Variants in CEP41 observed in about 807,000 individuals in gnomAD.
CEP41 encodes the protein centrosomal protein of 41 kDa.
CEP41 carries 32 observed loss-of-function variants against 44.3 expected under a neutral mutation model. The observed-to-expected ratio is 0.72, with a 90% CI of 0.54 to 0.97. The LOEUF (loss-of-function observed/expected upper bound fraction) is 0.97, where lower values mean the gene tolerates loss of function less well. Among genes scored for constraint, CEP41 ranks in the 50% least tolerant of loss-of-function variants. The pLI is 0.00. For missense variants in CEP41, 432 were observed against 455.2 expected (o/e 0.95, Z 0.46); for synonymous variants, 151 against 168.5 (o/e 0.90, Z 0.80).
intron 2 of CEP41, chr7:130,422,005 C>G: frequency 1.3e-6 from 2 of 1,535,878 alleles, no homozygotes; most frequent in Non-Finnish European, 1.7e-6. Context: ...TACACACAGG[C>G]ACCTATGGAA....
Position 130,403,837 on chromosome 7 carries a change from G to A in CEP41, c.422+727C>T, listed in dbSNP as rs983381285. ...TTGAGTGCAATTTTAGAGTCCTCTC[G>A]CAAAAGTAACTATAATAATATAAAG... On this transcript the variant is annotated intron_variant, in intron 6 of 10. Transcript: ENST00000223208. Among the ~76,000 whole-genome samples, 14 of 152,188 alleles carry A rather than the reference G, an allele frequency of 9.2e-5. No individual in the cohort carries two copies. The East Asian group carries it at 2.5e-3, about 27-fold the overall frequency.
rs73152881 is a variant in CEP41, at chr7:130,427,827, C to T, written c.97+128G>A. ...CATCTTTCAAGGATAAATCCTGAGC[C>T]GAGAAAGACATCAGGCAAAACAGTG... On this transcript the variant is annotated intron_variant, in intron 2 of 10. Coordinates refer to ENST00000223208, the MANE Select transcript of CEP41 (RefSeq NM_018718.3). 15,280 of 661,156 alleles carry T rather than the reference C, an allele frequency of 0.023. 240 individuals carry two copies. Among genetic ancestry groups the T allele is most frequent in the Non-Finnish European group, 0.03 (11,169 of 370,774 alleles). 41.0% of individuals were successfully genotyped at this position (661,156 alleles called of 1,614,324 possible). A position where few individuals can be genotyped will look rare whatever the true frequency, so the allele number is the denominator to read the frequency against.
chr7:130,417,307 A>G, intron 2 of CEP41: 5 of 1,112,928 alleles, frequency 4.5e-6, no homozygotes, highest in Non-Finnish European at 5.5e-6. Context: ...GCCCCCGCTG[A>G]CGATCTTTTT....
chr7:130,395,866 T>C lies in CEP41; in HGVS notation c.*3025A>G, dbSNP rs1796641765. On this transcript the variant is annotated 3_prime_UTR_variant, in exon 11 of 11. Coordinates refer to ENST00000223208, the MANE Select transcript of CEP41 (RefSeq NM_018718.3). Reference sequence around the variant, plus strand: ...CCAATATGATCGTGCTGGTCCTGGCTAACCACTAAAGGTTAAAAAAAAAAA... The same window carrying C: ...CCAATATGATCGTGCTGGTCCTGGCCAACCACTAAAGGTTAAAAAAAAAAA... The C allele has an allele frequency of 2.2e-6, 1 of 447,214 alleles. No individual in the cohort carries two copies. Among genetic ancestry groups the C allele is most frequent in the Admixed American group, 2.4e-5 (1 of 41,624 alleles). 27.7% of individuals were successfully genotyped at this position (447,214 alleles called of 1,614,324 possible).
chr7:130,395,897 A>G lies in CEP41; in HGVS notation c.*2994T>C. The G allele has an allele frequency of 2.3e-6, 1 of 439,602 alleles. No homozygotes were observed. Among genetic ancestry groups the G allele is most frequent in the South Asian group, 1.7e-5 (1 of 59,504 alleles). The allele number at this position is 439,602 out of a possible 1,614,324, so 27.2% of individuals were successfully genotyped here. A position where few individuals can be genotyped will look rare whatever the true frequency, so the allele number is the denominator to read the frequency against. On this transcript the variant is annotated 3_prime_UTR_variant, in exon 11 of 11. Coordinates refer to ENST00000223208, the MANE Select transcript of CEP41 (RefSeq NM_018718.3). The stretch of plus-strand genomic sequence containing the variant: ...CTAAAGGTTAAAAAAAAAAAAAAAG[A>G]TAAAAGATAAAATGAATGCAGGCCA...
chr7:130,403,774 C>G (rs1241815081), intron 6 of CEP41, among the ~76,000 whole-genome samples: 4 of 152,158 alleles, frequency 2.6e-5, no homozygotes, highest in African/African-American at 9.7e-5. Flanking sequence ...TGATAAGAAA[C>G]TGCATCCTCA....
intron 3 of CEP41, among the ~76,000 whole-genome samples, chr7:130,415,785 A>C (rs1474485997): frequency 6.6e-6 from 1 of 152,204 alleles, no homozygotes; most frequent in Non-Finnish European, 1.5e-5. Context: ...GGATGGCAAC[A>C]ATGAAGTGTA....
chr7:130,424,930 A>G (rs1797617683), intron 2 of CEP41, among the ~76,000 whole-genome samples: 1 of 152,244 alleles, frequency 6.6e-6, no homozygotes, highest in Non-Finnish European at 1.5e-5. Context: ...TGAACTAGGA[A>G]AAAATATTTG....
chr7:130,422,256 G>A (rs1211615598), intron 2 of CEP41, among the ~76,000 whole-genome samples: 1 of 152,168 alleles, frequency 6.6e-6, no homozygotes, highest in Admixed American at 6.5e-5. Context: ...GGTAAGAAAA[G>A]ATGAAAGACC....
intron 3 of CEP41, among the ~76,000 whole-genome samples, chr7:130,414,140 T>C (rs1396978607): frequency 1.3e-5 from 2 of 152,216 alleles, no homozygotes; most frequent in Admixed American, 1.3e-4. Flanking sequence ...ATATCAAGGC[T>C]TTTTAAAAAT....
Position 130,394,906 on chromosome 7 carries a change from C to T in CEP41, c.*3985G>A, listed in dbSNP as rs1554413876. The T allele has an allele frequency of 4.4e-6, 2 of 453,966 alleles. No individual in the cohort carries two copies. The highest frequency in any genetic ancestry group is 2.0e-5 in the African/African-American group (1 of 49,988). 28.1% of individuals were successfully genotyped at this position (453,966 alleles called of 1,614,324 possible). On this transcript the variant is annotated 3_prime_UTR_variant, in exon 11 of 11. Transcript: ENST00000223208. ...TCCGTCCACAGCATTTGAGAAGTGG[C>T]CTCTCTTTGCCTCACATTTTACCAG...
intron 5 of CEP41, among the ~76,000 whole-genome samples, chr7:130,405,730 G>C (rs1796988701): frequency 6.6e-6 from 1 of 152,170 alleles, no homozygotes; most frequent in African/African-American, 2.4e-5. Context: ...CACTGCAAGT[G>C]CCTGATTTTA....
intron 5 of CEP41, among the ~76,000 whole-genome samples, chr7:130,407,850 C>A (rs1270003601): frequency 1.3e-5 from 2 of 151,814 alleles, no homozygotes; most frequent in East Asian, 1.9e-4. Context: ...TCATATATAT[C>A]AAAAACCAAC....
intron 2 of CEP41, among the ~76,000 whole-genome samples, chr7:130,423,266 C>G (rs1554422667): frequency 6.6e-6 from 1 of 151,932 alleles, no homozygotes; most frequent in African/African-American, 2.4e-5. Context: ...TTTTATAACT[C>G]AACAAATAAG....
chr7:130,405,199 G>A (rs1396426797), intron 5 of CEP41, among the ~76,000 whole-genome samples: 1 of 152,128 alleles, frequency 6.6e-6, no homozygotes, highest in Non-Finnish European at 1.5e-5. Context: ...GATGAGGTGA[G>A]GAGTCCACAT....
intron 5 of CEP41, among the ~76,000 whole-genome samples, chr7:130,409,866 G>A (rs1206570860): frequency 1.3e-5 from 2 of 151,982 alleles, no homozygotes; most frequent in Non-Finnish European, 2.9e-5. Flanking sequence ...CAGCCAGACT[G>A]GATGACTCGA....
chr7:130,398,433 T>C lies in CEP41; in HGVS notation c.*458A>G, dbSNP rs1554415823. 4 of 453,990 alleles carry C rather than the reference T, an allele frequency of 8.8e-6. No homozygotes were observed. In the Admixed American group the frequency reaches 9.4e-5, roughly 11 times the overall value. 28.1% of individuals were successfully genotyped at this position (453,990 alleles called of 1,614,324 possible). On this transcript the variant is annotated 3_prime_UTR_variant, in exon 11 of 11. Transcript: ENST00000223208. Reference sequence around the variant, plus strand: ...CATCTGCACCCTTGGAAACAGCTTCTCACACCAAGACTGCCCGGAGAAGCC... The same window carrying C: ...CATCTGCACCCTTGGAAACAGCTTCCCACACCAAGACTGCCCGGAGAAGCC...
At chr7:130,400,884 C>T in intron 8 of CEP41, 63 bp from the exon 9 acceptor site, 1 of 1,079,340 alleles carries the variant, frequency 9.3e-7, no homozygotes, top group Non-Finnish European at 1.4e-6. Flanking sequence ...TACGAGAAAC[C>T]CCCAAGGAAT....
At chr7:130,404,729 A>G (rs1796956917) in intron 5 of CEP41, 21 bp from the exon 6 acceptor site, 1 of 1,582,684 alleles carries the variant, frequency 6.3e-7, no homozygotes. Context: ...CAAATGAAGA[A>G]ATAATTAGAT....
Sources: gnomAD v4.1 joint callset for allele counts (sites outside exome capture counted in the v4.1 genomes callset) on GRCh38, gnomAD v4.1.1 for gene constraint, MANE v1.5 for transcripts, NCBI Gene and HGNC (gene_info 2026-07-23, HGNC 2026-07-21) for gene names.